GALNT10: variants seen among roughly 807,000 people sequenced by gnomAD.
GALNT10 encodes GalNAc transferase 10.
Under a neutral mutation model 75.0 loss-of-function variants are expected in GALNT10, and 41 were observed. The ratio of observed to expected loss-of-function variants is 0.55; its 90% CI spans 0.43 to 0.71. GALNT10 has a LOEUF of 0.71. Ranked by LOEUF, GALNT10 falls within the 30% of genes least tolerant of loss-of-function variation. The pLI, the probability that GALNT10 is intolerant of heterozygous loss-of-function variation, is 0.00. For synonymous variants in GALNT10, 302 were observed against 313.0 expected, an observed-to-expected ratio of 0.96 and a Z score of 0.37; for missense variants, 727 against 818.5, an observed-to-expected ratio of 0.89 and a Z score of 1.36.
chr5:154,254,510 C>CTTTTTTTTTTTTT (rs1162459433), intron 1 of GALNT10, among the ~76,000 whole-genome samples: 1 of 138,382 alleles, frequency 7.2e-6, no homozygotes. Flanking sequence ...TATTTCTTTT[C>CTTTTTTTTTTTTT]TTTTTTTTTT....
intron 1 of GALNT10, among the ~76,000 whole-genome samples, chr5:154,216,260 T>A (rs954943643): frequency 2.6e-5 from 4 of 152,272 alleles, no homozygotes; most frequent in East Asian, 1.9e-4. Flanking sequence ...ATATTATTTT[T>A]AAAAAATACT....
At chr5:154,360,729 T>A (rs1755372978) in intron 4 of GALNT10, among the ~76,000 whole-genome samples, 2 of 152,312 alleles carry the variant, frequency 1.3e-5, no homozygotes, top group African/African-American at 4.8e-5. Context: ...AACTTCACCC[T>A]TTTTTGTATT....
chr5:154,213,782 A>G (rs947213705), intron 1 of GALNT10, among the ~76,000 whole-genome samples: 4 of 151,992 alleles, frequency 2.6e-5, no homozygotes, highest in East Asian at 1.9e-4. Context: ...GGATCTTGCT[A>G]TGTTGCCCAG....
At chr5:154,404,006 G>A in intron 7 of GALNT10, 98 bp from the exon 8 acceptor site, 1 of 892,322 alleles carries the variant, frequency 1.1e-6, no homozygotes, top group Non-Finnish European at 1.9e-6. Context: ...GACAATCCAG[G>A]CTGATGCTTT....
At chr5:154,404,406 G>A (rs1756229729) in intron 8 of GALNT10, among the ~76,000 whole-genome samples, 195 bp downstream of exon 8, 1 of 152,134 alleles carries the variant, frequency 6.6e-6, no homozygotes, top group African/African-American at 2.4e-5. Flanking sequence ...TGTGACCTGG[G>A]GAGGGTTGCT....
intron 3 of GALNT10, among the ~76,000 whole-genome samples, chr5:154,320,217 C>T (rs1425462364): frequency 6.6e-6 from 1 of 152,164 alleles, no homozygotes; most frequent in African/African-American, 2.4e-5. Flanking sequence ...GACAGGCACA[C>T]GTTCAGGGCT....
chr5:154,313,435 T>C (rs1261801767), intron 3 of GALNT10, among the ~76,000 whole-genome samples: 1 of 152,202 alleles, frequency 6.6e-6, no homozygotes, highest in Non-Finnish European at 1.5e-5. Flanking sequence ...TAAACACTCC[T>C]TGTACCTGAA....
intron 1 of GALNT10, among the ~76,000 whole-genome samples, chr5:154,247,562 CTT>C (rs1753448508): frequency 6.6e-6 from 1 of 152,046 alleles, no homozygotes; most frequent in Admixed American, 6.5e-5. Context: ...ATTTTATTCT[CTT>C]TGAAGCAATT....
At chr5:154,277,844 C>T (rs910099407) in intron 1 of GALNT10, among the ~76,000 whole-genome samples, 2 of 152,150 alleles carry the variant, frequency 1.3e-5, no homozygotes, top group Non-Finnish European at 2.9e-5. Context: ...CAGAACCATT[C>T]TTCTGGCTTC....
At chr5:154,267,023 T>G (rs1753785204) in intron 1 of GALNT10, among the ~76,000 whole-genome samples, 1 of 152,230 alleles carries the variant, frequency 6.6e-6, no homozygotes, top group Non-Finnish European at 1.5e-5. Context: ...TGGAGTTAAT[T>G]GGATCCCATG....
chr5:154,292,671 G>A (rs576643263), intron 1 of GALNT10, among the ~76,000 whole-genome samples: 2 of 152,300 alleles, frequency 1.3e-5, no homozygotes, highest in East Asian at 3.9e-4. Context: ...TCAGCTTCCA[G>A]ATATATTTGT....
At chr5:154,275,491 T>G (rs567416701) in intron 1 of GALNT10, among the ~76,000 whole-genome samples, 1 of 152,382 alleles carries the variant, frequency 6.6e-6, no homozygotes, top group East Asian at 1.9e-4. Flanking sequence ...TCAGTTACTA[T>G]TGGTGCTTAA....
chr5:154,283,278 TA>T (rs59422213), intron 1 of GALNT10, among the ~76,000 whole-genome samples: 1,269 of 79,490 alleles, frequency 0.016, 13 homozygotes, highest in East Asian at 0.11. Context: ...ACCTCGTCTG[TA>T]AAAAAAAAAA....
chr5:154,243,261 G>A (rs73802964), intron 1 of GALNT10, among the ~76,000 whole-genome samples: 27,376 of 152,136 alleles, frequency 0.18, 2,635 homozygotes, highest in African/African-American at 0.22. Context: ...TCGGGAACAG[G>A]GACTACTCTT....
chr5:154,375,512 C>T (rs1236532781), intron 4 of GALNT10, among the ~76,000 whole-genome samples: 1 of 152,174 alleles, frequency 6.6e-6, no homozygotes, highest in African/African-American at 2.4e-5. Context: ...GAGGAATTTG[C>T]TGTCTTGTGT....
intron 1 of GALNT10, among the ~76,000 whole-genome samples, chr5:154,284,221 T>C (rs1016956121): frequency 6.6e-6 from 1 of 152,176 alleles, no homozygotes; most frequent in Non-Finnish European, 1.5e-5. Context: ...CATTTTACAG[T>C]TGGGAAACCA....
At chr5:154,222,619 A>G (rs776363929) in intron 1 of GALNT10, among the ~76,000 whole-genome samples, 1 of 152,210 alleles carries the variant, frequency 6.6e-6, no homozygotes, top group Non-Finnish European at 1.5e-5. Flanking sequence ...ATCCTCACCA[A>G]CACTTAGAAT....
Position 154,278,437 on chromosome 5 carries a change from C to A in GALNT10, c.160-16379C>A, listed in dbSNP as rs182122868. On this transcript the variant is annotated intron_variant, in intron 1 of 11. Coordinates refer to ENST00000297107, the MANE Select transcript of GALNT10 (RefSeq NM_198321.4). Reference sequence around the variant, plus strand: ...TTCTTTTCTGTGTGACTTCAAAGAGCCTTTAATATGCTAATATACTTTATG... The same window carrying A: ...TTCTTTTCTGTGTGACTTCAAAGAGACTTTAATATGCTAATATACTTTATG... Among the ~76,000 whole-genome samples, 249 of 152,126 alleles carry A rather than the reference C, an allele frequency of 1.6e-3. 1 individual carries two copies. The highest frequency in any genetic ancestry group is 5.7e-3 in the African/African-American group (238 of 41,478).
In GALNT10 at chr5:154,197,705, A is replaced by T. The variant is rs529475757; in HGVS notation, c.159+6680A>T. On this transcript the variant is annotated intron_variant, in intron 1 of 11. Coordinates refer to ENST00000297107, the MANE Select transcript of GALNT10 (RefSeq NM_198321.4). ...AAAGAATGATGATGATATGGCTGAT[A>T]ATGAGGTTGATAATGTTAATAGTAG... Among the ~76,000 whole-genome samples, 6 of 152,316 alleles carry T rather than the reference A, an allele frequency of 3.9e-5. No homozygotes were observed. The South Asian group carries it at 1.2e-3, about 32-fold the overall frequency.
Sources: allele counts gnomAD v4.1 joint callset (sites outside exome capture counted in the v4.1 genomes callset), GRCh38; gene constraint gnomAD v4.1.1; transcripts MANE v1.5; gene names NCBI Gene and HGNC (gene_info 2026-07-23, HGNC 2026-07-21).